The following CNOT10 variants were observed in gnomAD, a reference collection of about 807,000 sequenced individuals.
CNOT10 encodes the protein CCR4-NOT transcription complex, subunit 10.
CNOT10 carries 30 observed loss-of-function variants against 94.6 expected under a neutral mutation model. That is an observed-to-expected ratio of 0.32 (90% CI 0.24 to 0.43). CNOT10 has a LOEUF of 0.43. CNOT10 is among the 20% of genes least tolerant of loss of function. CNOT10 has a pLI of 1.00. For synonymous variants in CNOT10, 289 were observed against 301.6 expected (o/e 0.96, Z 0.43); for missense variants, 759 against 877.2 (o/e 0.87, Z 1.70).
At chr3:32,724,115 GA>G (rs1335759045) in intron 8 of CNOT10, among the ~76,000 whole-genome samples, 1 of 151,982 alleles carries the variant, frequency 6.6e-6, no homozygotes, top group Non-Finnish European at 1.5e-5. Context: ...TGAAAGACAA[GA>G]GGCAACACAG....
At chr3:32,752,884 C>A in intron 13 of CNOT10, 1 of 334,350 alleles carries the variant, frequency 3.0e-6, no homozygotes, top group East Asian at 7.8e-5. Context: ...GTAGCAGCTC[C>A]GGCGGCAGCA....
At chr3:32,747,494 G>A (rs1401017406) in intron 13 of CNOT10, among the ~76,000 whole-genome samples, 2 of 151,592 alleles carry the variant, frequency 1.3e-5, no homozygotes, top group African/African-American at 2.4e-5. Context: ...TTTTTTAAAC[G>A]TGTCTGTTAG....
chr3:32,732,500 C>A (rs1699004280), intron 10 of CNOT10, among the ~76,000 whole-genome samples: 1 of 151,716 alleles, frequency 6.6e-6, no homozygotes, highest in African/African-American at 2.4e-5. Flanking sequence ...GCAGGAGGAT[C>A]ACTTGAGCCC....
At chr3:32,728,109 G>A (rs1698767445) in intron 10 of CNOT10, among the ~76,000 whole-genome samples, 1 of 151,834 alleles carries the variant, frequency 6.6e-6, no homozygotes, top group Non-Finnish European at 1.5e-5. Context: ...CGATTCTTCT[G>A]CCTCAGCCTC....
chr3:32,713,596 T>G (rs1697984273), intron 5 of CNOT10, among the ~76,000 whole-genome samples: 3 of 152,194 alleles, frequency 2.0e-5, no homozygotes, highest in Non-Finnish European at 1.5e-5. Context: ...TACTACTATC[T>G]AATTTCAAAA....
At chr3:32,693,543 C>CTT (rs374393225) in intron 1 of CNOT10, 8 of 137,056 alleles carry the variant, frequency 5.8e-5, no homozygotes, top group East Asian at 2.2e-4. Context: ...ATATATTGGT[C>CTT]TTTTTTTTTT....
chr3:32,716,007 A>G (rs1249153765), intron 5 of CNOT10: 2 of 382,770 alleles, frequency 5.2e-6, no homozygotes, highest in Non-Finnish European at 9.4e-6. Flanking sequence ...CGATTTTGCC[A>G]TGTTACTCAA....
chr3:32,746,311 C>A (rs1408854434), intron 13 of CNOT10, among the ~76,000 whole-genome samples: 1 of 152,090 alleles, frequency 6.6e-6, no homozygotes, highest in South Asian at 2.1e-4. Flanking sequence ...CAGGATGATT[C>A]AAAAACATTA....
chr3:32,722,008 A>G (rs1698440229), intron 8 of CNOT10, among the ~76,000 whole-genome samples: 2 of 152,172 alleles, frequency 1.3e-5, no homozygotes, highest in African/African-American at 2.4e-5. Context: ...CTTTGATACT[A>G]ATGATAATAT....
intron 11 of CNOT10, 42 bp downstream of exon 11, chr3:32,733,586 T>A: frequency 7.9e-7 from 1 of 1,260,444 alleles, no homozygotes; most frequent in Non-Finnish European, 1.1e-6. Flanking sequence ...TATTTAATAC[T>A]AGTTTACATA....
intron 13 of CNOT10, among the ~76,000 whole-genome samples, chr3:32,747,010 G>A (rs1025294282): frequency 1.3e-5 from 2 of 151,972 alleles, no homozygotes; most frequent in Non-Finnish European, 2.9e-5. Flanking sequence ...CCAGCTACAC[G>A]GGGGGCTGAG....
chr3:32,747,677 C>CG (rs1699759944), intron 13 of CNOT10, among the ~76,000 whole-genome samples: 1 of 151,374 alleles, frequency 6.6e-6, no homozygotes, highest in African/African-American at 2.4e-5. Flanking sequence ...GGGCTGGGCT[C>CG]GGTGGCTCAC....
intron 9 of CNOT10, 36 bp downstream of exon 9, chr3:32,725,635 A>G (rs746808851): frequency 1.1e-5 from 17 of 1,549,640 alleles, no homozygotes; most frequent in Non-Finnish European, 1.3e-5. Flanking sequence ...TGTATTTACT[A>G]CTTCAGAAAA....
chr3:32,729,586 G>A (rs75334832), intron 10 of CNOT10, among the ~76,000 whole-genome samples: 2,605 of 152,166 alleles, frequency 0.017, 76 homozygotes, highest in African/African-American at 0.056. Flanking sequence ...GTGTTTGCTA[G>A]TTTTCATACA....
chr3:32,719,091 A>T (rs1320506709), intron 7 of CNOT10, among the ~76,000 whole-genome samples: 1 of 152,132 alleles, frequency 6.6e-6, no homozygotes. Context: ...TCTACTAAAA[A>T]TACAAAAATT....
At chr3:32,687,990 T>TTG (rs1301713825) in intron 1 of CNOT10, among the ~76,000 whole-genome samples, 2 of 152,144 alleles carry the variant, frequency 1.3e-5, no homozygotes, top group African/African-American at 4.8e-5. Flanking sequence ...ACGGAGGGTC[T>TTG]TGTGTGTGTG....
chr3:32,753,049 A>T (rs960386215), intron 13 of CNOT10: 3 of 501,566 alleles, frequency 6.0e-6, no homozygotes, highest in African/African-American at 2.0e-5. Context: ...GATGCATAAT[A>T]TTAGTGTCAA....
chr3:32,759,588 C>T lies in CNOT10; in HGVS notation c.1709+17C>T. ...ATCTCTTAAGTAAGTGTGACTTGCC[C>T]TGTGTGTCCCTGGTTTCTTTAGTTT... On this transcript the variant is annotated intron_variant, in intron 14 of 18. Coordinates refer to ENST00000328834, the MANE Select transcript of CNOT10 (RefSeq NM_015442.3). 1 of 1,549,144 alleles carries T rather than the reference C, an allele frequency of 6.5e-7. No individual in the cohort carries two copies.
chr3:32,702,644 A>G (rs1697405911), intron 1 of CNOT10, among the ~76,000 whole-genome samples: 1 of 152,114 alleles, frequency 6.6e-6, no homozygotes, highest in African/African-American at 2.4e-5. Flanking sequence ...TAAATTATAA[A>G]TCTCTTAAAG....
Sources: allele counts gnomAD v4.1 joint callset (sites outside exome capture counted in the v4.1 genomes callset), GRCh38; gene constraint gnomAD v4.1.1; transcripts MANE v1.5; gene names NCBI Gene and HGNC (gene_info 2026-07-23, HGNC 2026-07-21).